SNX8: variants seen among roughly 807,000 people sequenced by gnomAD.
SNX8 encodes the protein sorting nexin 8.
A neutral mutation model predicts 51.6 loss-of-function variants in SNX8; 25 were observed. The ratio of observed to expected loss-of-function variants is 0.48; its 90% CI spans 0.35 to 0.68. The LOEUF is 0.68. Among genes scored for constraint, SNX8 ranks in the 30% least tolerant of loss-of-function variants. The pLI is 0.00. For missense variants in SNX8, 695 were observed against 624.0 expected (o/e 1.11, Z -1.21); for synonymous variants, 324 against 277.0 (o/e 1.17, Z -1.68).
chr7:2,337,808 A>G (rs980428824), intron 1 of SNX8, among the ~76,000 whole-genome samples: 3 of 150,688 alleles, frequency 2.0e-5, no homozygotes, highest in African/African-American at 7.3e-5. Flanking sequence ...TTAGCTAATT[A>G]GGAATATAAA....
rs779322661 is a variant in SNX8 at position 2,252,789 on chromosome 7, G to A, written c.*2267C>T. 132 of 49,252 alleles carry A rather than the reference G, an allele frequency of 2.7e-3. No homozygotes were observed. The highest frequency in any genetic ancestry group is 3.9e-3 in the Non-Finnish European group (107 of 27,118). The allele number at this position is 49,252 out of a possible 1,614,324, so 3.1% of individuals were successfully genotyped here. On this transcript the variant is annotated 3_prime_UTR_variant, in exon 11 of 11. Coordinates refer to ENST00000222990, the MANE Select transcript of SNX8 (RefSeq NM_013321.4). ...CCCTCACCCCTGCCCTCCCTTACCC[G>A]TTCTCCTGCTCCCTCCTCACCCCTG... is the stretch of plus-strand genomic sequence containing the variant.
intron 3 of SNX8, among the ~76,000 whole-genome samples, chr7:2,273,867 G>A (rs1462403034): frequency 6.6e-6 from 1 of 151,366 alleles, no homozygotes; most frequent in East Asian, 1.9e-4. Context: ...TTGCACCACT[G>A]CACTCCAGCC....
At chr7:2,339,943 A>G (rs1160428551) in intron 1 of SNX8, among the ~76,000 whole-genome samples, 3 of 152,194 alleles carry the variant, frequency 2.0e-5, no homozygotes, top group Non-Finnish European at 4.4e-5. Context: ...TGGAACAAAG[A>G]GTGCTCTACA....
chr7:2,330,206 C>G (rs1462688892), intron 1 of SNX8, among the ~76,000 whole-genome samples: 1 of 147,654 alleles, frequency 6.8e-6, no homozygotes, highest in Non-Finnish European at 1.5e-5. Context: ...GGCGGCATCT[C>G]GGCTCACCAC....
intron 2 of SNX8, among the ~76,000 whole-genome samples, chr7:2,276,671 A>C (rs1795788522): frequency 6.6e-6 from 1 of 150,452 alleles, no homozygotes; most frequent in Non-Finnish European, 1.5e-5. Flanking sequence ...AAGACTGGGC[A>C]TGGTGGCTCA....
chr7:2,276,229 C>G (rs1273165658), intron 2 of SNX8, among the ~76,000 whole-genome samples: 2 of 152,164 alleles, frequency 1.3e-5, no homozygotes, highest in African/African-American at 4.8e-5. Context: ...AGTTGCCTCA[C>G]CCCCAGGCTG....
intron 7 of SNX8, among the ~76,000 whole-genome samples, chr7:2,261,376 T>C (rs1187104410): frequency 6.6e-6 from 1 of 151,754 alleles, no homozygotes; most frequent in African/African-American, 2.4e-5. Flanking sequence ...GAGGTTGCAG[T>C]GAGCCGAGAT....
upstream of SNX8, among the ~76,000 whole-genome samples, chr7:2,317,647 C>T (rs1796778452): frequency 6.6e-6 from 1 of 151,956 alleles, no homozygotes; most frequent in East Asian, 1.9e-4. Flanking sequence ...AGCCCAGAAC[C>T]ATGTCAGTTC....
At chr7:2,346,074 T>G (rs575997393) in intron 1 of SNX8, among the ~76,000 whole-genome samples, 166 of 152,300 alleles carry the variant, frequency 1.1e-3, no homozygotes, top group African/African-American at 3.7e-3. Flanking sequence ...CCCAAAGTGC[T>G]GGGATTACAG....
intron 1 of SNX8, among the ~76,000 whole-genome samples, chr7:2,296,395 G>A (rs1033852283): frequency 1.3e-5 from 2 of 152,094 alleles, no homozygotes; most frequent in Admixed American, 6.5e-5. Context: ...GCTGCTGGCA[G>A]ATAGCATGCT....
At chr7:2,273,087 G>C (rs1348545426) in intron 3 of SNX8, among the ~76,000 whole-genome samples, 1 of 152,034 alleles carries the variant, frequency 6.6e-6, no homozygotes, top group Non-Finnish European at 1.5e-5. Context: ...GCCCACCTCA[G>C]CCTCCCAAAG....
intron 1 of SNX8, among the ~76,000 whole-genome samples, chr7:2,284,396 CT>C (rs751803296): frequency 3.6e-3 from 320 of 88,894 alleles, no homozygotes; most frequent in Non-Finnish European, 4.3e-3. Flanking sequence ...CTTTTATTTC[CT>C]TTTTTTTTTT....
rs367789888 is a variant in SNX8 at position 2,335,053 on chromosome 7, G to A, written c.-66+19169C>T. 1.1e-4 allele frequency among the ~76,000 whole-genome samples: 17 copies of A among 152,018 alleles called. No homozygotes were observed. In the East Asian group the frequency reaches 2.9e-3, roughly 26 times the overall value. Reference sequence around the variant, plus strand: ...TCTACTAAGAATACATAAATTACCTGGGTGTGGTTGTGTGCGCCTGTAATC... The same window carrying A: ...TCTACTAAGAATACATAAATTACCTAGGTGTGGTTGTGTGCGCCTGTAATC... On this transcript the variant is annotated intron_variant, in intron 1 of 5. Coordinates refer to the SNX8 transcript ENST00000435336.
intron 5 of SNX8, among the ~76,000 whole-genome samples, 194 bp downstream of exon 5, chr7:2,269,365 C>T (rs1795582065): frequency 6.6e-6 from 1 of 150,550 alleles, no homozygotes; most frequent in Non-Finnish European, 1.5e-5. Context: ...TAATCAGGGA[C>T]ACAAACACTG....
In SNX8 at chr7:2,264,371, C is replaced by G; in HGVS notation, c.709G>C (p.Asp237His). ...NIYNSFHKLR[D>H]RAERIASRAI... is the part of the protein sequence containing the mutation. ...CGCGATGCGATCCGCTCGGCCCTGT[C>G]GCGAAGCTTGTGAAAGCTATTGTAG... Residue 237 changes from aspartate (D) to histidine (H), a missense_variant, in exon 6 of 11, where the codon GAC becomes CAC. By Grantham distance (81) the Asp-to-His change is moderately conservative. Transcript: ENST00000222990. The G allele has an allele frequency of 2.5e-6, 4 of 1,613,030 alleles. No individual in the cohort carries two copies. The highest frequency in any genetic ancestry group is 3.4e-6 in the Non-Finnish European group (4 of 1,180,008).
chr7:2,292,641 G>C (rs1584710433), intron 1 of SNX8, among the ~76,000 whole-genome samples: 1 of 152,202 alleles, frequency 6.6e-6, no homozygotes, highest in East Asian at 1.9e-4. Flanking sequence ...TCAATCTCCT[G>C]ACCTCATGAT....
At chr7:2,284,086 C>T (rs1201981521) in intron 1 of SNX8, among the ~76,000 whole-genome samples, 11 of 152,082 alleles carry the variant, frequency 7.2e-5, no homozygotes, top group Admixed American at 6.6e-4. Flanking sequence ...CCCGCCACCA[C>T]GCCCGGCTAA....
chr7:2,322,808 G>A (rs1317328364), intron 1 of SNX8, among the ~76,000 whole-genome samples: 3 of 151,760 alleles, frequency 2.0e-5, no homozygotes, highest in Admixed American at 6.6e-5. Flanking sequence ...CCTGTGGCCA[G>A]GAGTTCAAGA....
At chr7:2,287,468 A>G (rs1489831546) in intron 1 of SNX8, among the ~76,000 whole-genome samples, 1 of 151,760 alleles carries the variant, frequency 6.6e-6, no homozygotes, top group Non-Finnish European at 1.5e-5. Flanking sequence ...AATCCCAGCT[A>G]CTAGGGAGGC....
Sources: gnomAD v4.1 joint callset for allele counts (sites outside exome capture counted in the v4.1 genomes callset) on GRCh38, gnomAD v4.1.1 for gene constraint, MANE v1.5 for transcripts, NCBI Gene and HGNC (gene_info 2026-07-23, HGNC 2026-07-21) for gene names.